The following CTNNA3 variants were observed in gnomAD, a reference collection of about 807,000 sequenced individuals.
CTNNA3 encodes catenin alpha 3.
In CTNNA3, 76 loss-of-function variants were observed where a neutral mutation model predicts 95.7. The observed-to-expected ratio is 0.79, with a 90% CI of 0.66 to 0.96. The LOEUF (loss-of-function observed/expected upper bound fraction) is 0.96. Among genes scored for constraint, CTNNA3 ranks in the 40% least tolerant of loss-of-function variants. The pLI is 0.00. For synonymous variants in CTNNA3, 431 were observed against 374.4 expected (o/e 1.15, Z -1.74); for missense variants, 1,191 against 1,089.8 (o/e 1.09, Z -1.31).
chr10:66,623,221 T>A (rs1844812888), intron 9 of CTNNA3, among the ~76,000 whole-genome samples: 1 of 152,020 alleles, frequency 6.6e-6, no homozygotes, highest in Non-Finnish European at 1.5e-5. Context: ...TTGCAAAAAA[T>A]ACTGACCTGT....
At chr10:66,550,624 C>T (rs77081973) in intron 10 of CTNNA3, among the ~76,000 whole-genome samples, 3,631 of 152,228 alleles carry the variant, frequency 0.024, 89 homozygotes, top group East Asian at 0.057. Context: ...TAGTTTACAT[C>T]ATTAGCACTC....
intron 9 of CTNNA3, among the ~76,000 whole-genome samples, chr10:66,652,053 A>G (rs1845926260): frequency 6.6e-6 from 1 of 151,408 alleles, no homozygotes; most frequent in East Asian, 2.0e-4. Flanking sequence ...CACCCATAAT[A>G]AAAAGGAAGA....
At chr10:66,236,666 T>A (rs2089867445) in intron 13 of CTNNA3, among the ~76,000 whole-genome samples, 1 of 152,190 alleles carries the variant, frequency 6.6e-6, no homozygotes, top group Non-Finnish European at 1.5e-5. Flanking sequence ...TGATAATTTA[T>A]CGGGTTTTCA....
chr10:67,509,258 G>A (rs941412312), intron 5 of CTNNA3, among the ~76,000 whole-genome samples: 1 of 151,528 alleles, frequency 6.6e-6, no homozygotes, highest in African/African-American at 2.4e-5. Flanking sequence ...TTGTTACATA[G>A]GTATACATGT....
At chr10:67,691,546 C>T (rs1240379299) in intron 1 of CTNNA3, among the ~76,000 whole-genome samples, 3 of 151,800 alleles carry the variant, frequency 2.0e-5, no homozygotes, top group South Asian at 2.1e-4. Context: ...GCCCTGCCGC[C>T]CCGTCCGGGA....
intron 7 of CTNNA3, among the ~76,000 whole-genome samples, chr10:66,793,693 A>G (rs1053811056): frequency 3.3e-5 from 5 of 152,044 alleles, no homozygotes; most frequent in African/African-American, 4.8e-5. Context: ...TTTACTATAC[A>G]CTATGTATTT....
At chr10:66,086,885 T>C (rs1407856038) in intron 14 of CTNNA3, among the ~76,000 whole-genome samples, 1 of 151,804 alleles carries the variant, frequency 6.6e-6, no homozygotes, top group African/African-American at 2.4e-5. Context: ...GGTGAAAGAG[T>C]TCTTGGTAGA....
intron 3 of CTNNA3, among the ~76,000 whole-genome samples, chr10:67,579,223 G>T (rs1842288974): frequency 1.3e-5 from 1 of 79,876 alleles, no homozygotes; most frequent in African/African-American, 6.8e-5. Context: ...CCCATAACAG[G>T]CCCCAGTGTG....
At chr10:66,367,877 AATAATTATTATTATTATTATTATT>A (rs1431125391) in intron 12 of CTNNA3, among the ~76,000 whole-genome samples, 1,921 of 46,638 alleles carry the variant, frequency 0.041, 42 homozygotes, top group East Asian at 0.38. Context: ...TAATAATAAT[AATAATTATTATTATTATTATTATT>A]ATTATTATTA....
At chr10:67,536,785 T>C (rs771156275) in intron 4 of CTNNA3, among the ~76,000 whole-genome samples, 1 of 152,150 alleles carries the variant, frequency 6.6e-6, no homozygotes, top group Non-Finnish European at 1.5e-5. Context: ...ATGTGCAGCA[T>C]TGATCATTAC....
intron 13 of CTNNA3, among the ~76,000 whole-genome samples, chr10:66,132,477 A>G (rs2083157510): frequency 6.6e-6 from 1 of 152,160 alleles, no homozygotes; most frequent in Non-Finnish European, 1.5e-5. Context: ...TAGTTCAACC[A>G]TTGTGGAAGA....
Position 67,292,545 on chromosome 10 carries a change from C to A in CTNNA3, c.580-72675G>T, listed in dbSNP as rs559796194. ...ATGATACCACATCATTTTACTTTTT[C>A]AGATTCCATAATTAGTCCCCCTCCC... On this transcript the variant is annotated intron_variant, in intron 5 of 17. Coordinates refer to ENST00000433211, the MANE Select transcript of CTNNA3 (RefSeq NM_013266.4). Among the ~76,000 whole-genome samples, 3 of 152,204 alleles carry A rather than the reference C, an allele frequency of 2.0e-5. No homozygotes were observed. The East Asian group carries it at 5.8e-4, about 29-fold the overall frequency.
intron 16 of CTNNA3, among the ~76,000 whole-genome samples, chr10:65,972,860 A>G (rs182468255): frequency 2.6e-5 from 4 of 151,486 alleles, no homozygotes; most frequent in Admixed American, 1.3e-4. Flanking sequence ...TAAAATTCAT[A>G]TGAAACCAAG....
intron 5 of CTNNA3, among the ~76,000 whole-genome samples, chr10:67,228,368 A>T (rs950281544): frequency 5.2e-4 from 79 of 152,168 alleles, no homozygotes; most frequent in African/African-American, 1.9e-3. Context: ...TAATCCCAGC[A>T]CTTTGGGAGA....
intron 14 of CTNNA3, among the ~76,000 whole-genome samples, chr10:66,081,121 C>A (rs12572585): frequency 0.29 from 43,402 of 151,968 alleles, 6,915 homozygotes; most frequent in South Asian, 0.43. Context: ...AGTCAGAAGT[C>A]AACCAATGAA....
intron 13 of CTNNA3, among the ~76,000 whole-genome samples, chr10:66,260,529 C>T (rs945004042): frequency 6.6e-6 from 1 of 152,064 alleles, no homozygotes; most frequent in East Asian, 1.9e-4. Context: ...AATTAATTTG[C>T]CATTTGTCAG....
chr10:65,933,495 G>A (rs1394670353), intron 17 of CTNNA3, among the ~76,000 whole-genome samples: 1 of 152,088 alleles, frequency 6.6e-6, no homozygotes, highest in African/African-American at 2.4e-5. Context: ...TCAGTGAAAT[G>A]GGCCTACTCA....
At chr10:66,218,353 T>TAC (rs142481133) in intron 13 of CTNNA3, among the ~76,000 whole-genome samples, 5,530 of 152,222 alleles carry the variant, frequency 0.036, 242 homozygotes, top group African/African-American at 0.11. Context: ...GAAGTGATGG[T>TAC]AGACTTCCAA....
Position 67,366,155 on chromosome 10 carries a change from A to G in CTNNA3, c.580-146285T>C, listed in dbSNP as rs574234183. ...CTCACTCATAGATGGGTGTTGAACA[A>G]TGAGAACACATGGACACAAGGCAGG... On this transcript the variant is annotated intron_variant, in intron 5 of 17. Transcript: ENST00000433211. 2.8e-4 allele frequency among the ~76,000 whole-genome samples: 43 copies of G among 152,258 alleles called. No individual in the cohort carries two copies. The South Asian group carries it at 7.5e-3, about 26-fold the overall frequency.
Sources: allele counts gnomAD v4.1 joint callset (sites outside exome capture counted in the v4.1 genomes callset), GRCh38; gene constraint gnomAD v4.1.1; transcripts MANE v1.5; gene names NCBI Gene and HGNC (gene_info 2026-07-23, HGNC 2026-07-21).